The following STK32C variants were observed in gnomAD, a reference collection of about 807,000 sequenced individuals.
STK32C encodes the protein serine/threonine-protein kinase 32C.
In STK32C, 31 loss-of-function variants were observed where a neutral mutation model predicts 56.5. That is an observed-to-expected ratio of 0.55 (90% CI 0.41 to 0.74). The LOEUF (loss-of-function observed/expected upper bound fraction) is 0.74, where lower values mean the gene tolerates loss of function less well. Ranked by LOEUF, STK32C falls within the 30% of genes least tolerant of loss-of-function variation. The pLI, the probability that STK32C is intolerant of heterozygous loss-of-function variation, is 0.00. For missense variants in STK32C, 544 were observed against 676.9 expected (o/e 0.80, Z 2.18); for synonymous variants, 309 against 289.4 (o/e 1.07, Z -0.69).
At chr10:132,327,827 A>C (rs1391524491) in intron 1 of STK32C, among the ~76,000 whole-genome samples, 1 of 152,154 alleles carries the variant, frequency 6.6e-6, no homozygotes, top group African/African-American at 2.4e-5. Context: ...AACACTTCAT[A>C]GACCAAAAAT....
chr10:132,265,722 C>T (rs1006556098), intron 1 of STK32C, among the ~76,000 whole-genome samples: 2 of 152,258 alleles, frequency 1.3e-5, no homozygotes, highest in African/African-American at 4.8e-5. Context: ...CAGGCAGATG[C>T]TTCACAGACG....
In STK32C at chr10:132,249,143, C is replaced by T. The variant is rs182693370; in HGVS notation, c.263-3188G>A. ...GGCGGGGCTGTGGCGTCAGGGCGTG[C>T]AGGGGGCGGGGCGTGCAGGGGGCGG... On this transcript the variant is annotated intron_variant, in intron 1 of 11. Transcript: ENST00000298630. 4.5e-3 allele frequency: 1,728 copies of T among 384,584 alleles called. 14 individuals are homozygous for T. Among genetic ancestry groups the T allele is most frequent in the Non-Finnish European group, 6.5e-3 (1,231 of 190,708 alleles). 23.8% of individuals were successfully genotyped at this position (384,584 alleles called of 1,614,324 possible). A position where few individuals can be genotyped will look rare whatever the true frequency, so the allele number is the denominator to read the frequency against.
intron 1 of STK32C, among the ~76,000 whole-genome samples, chr10:132,300,364 C>T (rs750427189): frequency 1.3e-5 from 2 of 152,126 alleles, no homozygotes; most frequent in Non-Finnish European, 2.9e-5. Flanking sequence ...GGAAGCATGG[C>T]AGAGACCATG....
intron 1 of STK32C, among the ~76,000 whole-genome samples, chr10:132,271,080 C>T (rs560075505): frequency 6.6e-6 from 1 of 152,254 alleles, no homozygotes; most frequent in East Asian, 1.9e-4. Context: ...CCCAAAGTGA[C>T]TCAAAGACGC....
intron 1 of STK32C, among the ~76,000 whole-genome samples, chr10:132,286,197 C>T (rs2065400447): frequency 6.6e-6 from 1 of 151,822 alleles, no homozygotes; most frequent in African/African-American, 2.4e-5. Context: ...GGACAAAACT[C>T]ATTCCTTGAA....
intron 1 of STK32C, among the ~76,000 whole-genome samples, chr10:132,286,945 C>T (rs1045027735): frequency 5.9e-5 from 9 of 152,118 alleles, no homozygotes; most frequent in African/African-American, 1.4e-4. Flanking sequence ...TGTCTTTATT[C>T]GCAAATGATT....
chr10:132,217,561 T>C (rs2062510419), intron 10 of STK32C, among the ~76,000 whole-genome samples: 1 of 152,152 alleles, frequency 6.6e-6, no homozygotes, highest in East Asian at 1.9e-4. Context: ...TGGGGCAGAA[T>C]GATATGGTTT....
chr10:132,253,059 G>A (rs930262108), intron 1 of STK32C, among the ~76,000 whole-genome samples: 11 of 152,312 alleles, frequency 7.2e-5, no homozygotes, highest in Non-Finnish European at 1.3e-4. Flanking sequence ...ACTTGTCAGC[G>A]CTAAGCCCAG....
intron 1 of STK32C, among the ~76,000 whole-genome samples, chr10:132,281,251 G>A (rs1401680230): frequency 6.6e-6 from 1 of 151,320 alleles, no homozygotes; most frequent in African/African-American, 2.4e-5. Flanking sequence ...CCCATCTTTT[G>A]CTTCTCTAGA....
chr10:132,324,337 G>T (rs781382322), exon 2 of STK32C: 1 of 779,354 alleles, frequency 1.3e-6, no homozygotes, highest in Non-Finnish European at 2.4e-6. Flanking sequence ...ACATCTTCCT[G>T]GCAAAATCCC....
intron 2 of STK32C, among the ~76,000 whole-genome samples, chr10:132,236,664 T>C (rs2063305744): frequency 6.6e-6 from 1 of 152,178 alleles, no homozygotes; most frequent in Admixed American, 6.5e-5. Flanking sequence ...TTTCCAGTAC[T>C]ATCCCCCACC....
chr10:132,240,298 C>T (rs768293922), intron 2 of STK32C, among the ~76,000 whole-genome samples: 2 of 152,236 alleles, frequency 1.3e-5, no homozygotes, highest in African/African-American at 2.4e-5. Flanking sequence ...CAGCTCCTCC[C>T]GGCGTGGACT....
chr10:132,228,197 T>G, intron 2 of STK32C, 69 bp from the exon 3 acceptor site: 1 of 1,603,668 alleles, frequency 6.2e-7, no homozygotes, highest in Non-Finnish European at 8.5e-7. Flanking sequence ...CACCTGGAAA[T>G]GCATGGGGAT....
intron 2 of STK32C, among the ~76,000 whole-genome samples, chr10:132,237,927 G>A (rs1053476658): frequency 2.0e-5 from 3 of 152,314 alleles, no homozygotes; most frequent in African/African-American, 7.2e-5. Context: ...CTGGCCTGGT[G>A]GGAGGTGATC....
intron 1 of STK32C, among the ~76,000 whole-genome samples, chr10:132,292,694 A>G (rs2065606242): frequency 1.3e-5 from 2 of 152,332 alleles, no homozygotes; most frequent in East Asian, 1.9e-4. Flanking sequence ...ACCCAACGCA[A>G]GACCCCCACC....
intron 1 of STK32C, among the ~76,000 whole-genome samples, chr10:132,298,506 G>A (rs541171586): frequency 1.3e-5 from 2 of 152,226 alleles, no homozygotes; most frequent in African/African-American, 4.8e-5. Context: ...GGATGAGCTG[G>A]ACTTGCTCAC....
intron 1 of STK32C, among the ~76,000 whole-genome samples, chr10:132,295,487 A>G (rs945361888): frequency 1.1e-4 from 17 of 152,246 alleles, no homozygotes; most frequent in Non-Finnish European, 2.9e-5. Flanking sequence ...AAGAAATTAA[A>G]GCAGTGACGA....
intron 1 of STK32C, among the ~76,000 whole-genome samples, chr10:132,328,066 G>C (rs1162902902): frequency 6.6e-6 from 1 of 152,166 alleles, no homozygotes; most frequent in Non-Finnish European, 1.5e-5. Context: ...TGCCTAGACA[G>C]AGCCCATTTA....
At chr10:132,290,325 G>C (rs2065526070) in intron 1 of STK32C, among the ~76,000 whole-genome samples, 1 of 152,206 alleles carries the variant, frequency 6.6e-6, no homozygotes, top group South Asian at 2.1e-4. Context: ...TTTCTACCCA[G>C]TTAAGTTAAA....
Sources: gnomAD v4.1 joint callset for allele counts (sites outside exome capture counted in the v4.1 genomes callset) on GRCh38, gnomAD v4.1.1 for gene constraint, MANE v1.5 for transcripts, NCBI Gene and HGNC (gene_info 2026-07-23, HGNC 2026-07-21) for gene names.